NRXN1: variants seen among roughly 807,000 people sequenced by gnomAD.
The protein encoded by NRXN1 is neurexin-1.
NRXN1 carries 39 observed loss-of-function variants against 150.9 expected under a neutral mutation model. That is an observed-to-expected ratio of 0.26 (90% CI 0.20 to 0.34). The LOEUF (loss-of-function observed/expected upper bound fraction) is 0.34, where lower values mean the gene tolerates loss of function less well. Among genes scored for constraint, NRXN1 ranks in the 10% least tolerant of loss-of-function variants. The pLI, the probability that NRXN1 is intolerant of heterozygous loss-of-function variation, is 1.00. For missense variants in NRXN1, 1,815 were observed against 1,949.9 expected (o/e 0.93, Z 1.30); for synonymous variants, 924 against 757.0 (o/e 1.22, Z -3.62).
chr2:49,992,206 G>C (rs372032990), intron 21 of NRXN1, among the ~76,000 whole-genome samples: 1 of 152,152 alleles, frequency 6.6e-6, no homozygotes, highest in Non-Finnish European at 1.5e-5. Flanking sequence ...GATGATCCAT[G>C]AGAGAAATAA....
chr2:50,730,672 C>CTTTTTTTTTTTT (rs56042523), intron 5 of NRXN1, among the ~76,000 whole-genome samples: 29 of 122,020 alleles, frequency 2.4e-4, no homozygotes, highest in Non-Finnish European at 3.6e-4. Context: ...TTCTTGTTTT[C>CTTTTTTTTTTTT]TTTTTTTTTT....
intron 17 of NRXN1, among the ~76,000 whole-genome samples, chr2:50,379,036 G>A (rs1416501603): frequency 6.6e-6 from 1 of 152,048 alleles, no homozygotes; most frequent in Admixed American, 6.6e-5. Flanking sequence ...TATCTGTCAT[G>A]CAGCAGGCAT....
chr2:50,006,710 C>G (rs890382290), intron 21 of NRXN1, among the ~76,000 whole-genome samples: 13 of 152,060 alleles, frequency 8.5e-5, no homozygotes, highest in African/African-American at 3.1e-4. Flanking sequence ...TTTTTTGCTC[C>G]TAGAGTATAT....
At chr2:50,315,740 C>A (rs12373713) in intron 17 of NRXN1, among the ~76,000 whole-genome samples, 18,785 of 152,112 alleles carry the variant, frequency 0.12, 1,292 homozygotes, top group African/African-American at 0.15. Flanking sequence ...TATTAAAAGG[C>A]ACATTATCAA....
intron 5 of NRXN1, among the ~76,000 whole-genome samples, chr2:50,650,959 T>G (rs148945662): frequency 1.3e-5 from 2 of 152,146 alleles, no homozygotes; most frequent in African/African-American, 4.8e-5. Context: ...AGTAGAAAAC[T>G]ACACAATATA....
chr2:50,451,249 G>A (rs753277949), intron 17 of NRXN1, among the ~76,000 whole-genome samples: 22 of 152,162 alleles, frequency 1.4e-4, no homozygotes, highest in Non-Finnish European at 1.5e-4. Context: ...TATTACAGGC[G>A]TGAGTCACCA....
At chr2:50,114,666 T>C (rs116442603) in intron 18 of NRXN1, among the ~76,000 whole-genome samples, 2,074 of 140,968 alleles carry the variant, frequency 0.015, 62 homozygotes, top group African/African-American at 0.051. Context: ...CAATGGAATA[T>C]CATTCAGTGC....
chr2:50,356,853 G>A lies in NRXN1; in HGVS notation c.3364+108589C>T, dbSNP rs148922514. Among the ~76,000 whole-genome samples, 227 of 152,042 alleles carry A rather than the reference G, an allele frequency of 1.5e-3. 2 individuals are homozygous for A. The highest frequency in any genetic ancestry group is 5.2e-3 in the African/African-American group (215 of 41,462). ...AGCATACTTGATGACTGCCTCTTAC[G>A]TTATTTTTAAATGAACTAGTTTACC... On this transcript the variant is annotated intron_variant, in intron 17 of 22. Transcript: ENST00000401669.
intron 18 of NRXN1, among the ~76,000 whole-genome samples, chr2:50,123,129 G>C (rs917673578): frequency 2.6e-5 from 4 of 152,124 alleles, no homozygotes; most frequent in African/African-American, 7.2e-5. Flanking sequence ...GGATACAGTA[G>C]TGAAACAAAC....
chr2:50,651,075 A>C (rs757447868), intron 5 of NRXN1, among the ~76,000 whole-genome samples: 26 of 152,046 alleles, frequency 1.7e-4, no homozygotes, highest in Admixed American at 3.9e-4. Context: ...TCTTTTAATA[A>C]GAAACTAATT....
At chr2:50,837,803 C>T (rs865928918) in intron 5 of NRXN1, among the ~76,000 whole-genome samples, 10 of 151,996 alleles carry the variant, frequency 6.6e-5, no homozygotes, top group Non-Finnish European at 5.9e-5. Context: ...CATGAAAATG[C>T]AGTATTCCTT....
intron 5 of NRXN1, among the ~76,000 whole-genome samples, chr2:50,764,141 C>T (rs1394059724): frequency 6.6e-6 from 1 of 151,780 alleles, no homozygotes; most frequent in East Asian, 2.0e-4. Flanking sequence ...GGCAAAAGCC[C>T]CTGTAGAGCA....
intron 21 of NRXN1, chr2:49,974,273 T>C (rs1300998221): frequency 3.4e-6 from 2 of 591,066 alleles, no homozygotes; most frequent in East Asian, 6.9e-5. Flanking sequence ...ATGCTGCAGT[T>C]CCGTCTGCAG....
chr2:50,650,201 C>T (rs1685407603), intron 5 of NRXN1, among the ~76,000 whole-genome samples: 1 of 152,052 alleles, frequency 6.6e-6, no homozygotes, highest in Admixed American at 6.6e-5. Context: ...GCTTCTGATA[C>T]TGGGTAAGAT....
chr2:50,978,076 T>C (rs2104849216), intron 2 of NRXN1, among the ~76,000 whole-genome samples: 1 of 151,364 alleles, frequency 6.6e-6, no homozygotes, highest in South Asian at 2.1e-4. Flanking sequence ...GCCCTACTGA[T>C]ACTACAGTGA....
chr2:50,625,447 G>C (rs983644392), intron 5 of NRXN1, among the ~76,000 whole-genome samples: 3 of 152,052 alleles, frequency 2.0e-5, no homozygotes, highest in Non-Finnish European at 4.4e-5. Flanking sequence ...ATCTGTAATA[G>C]TGAATCCCTC....
chr2:51,018,884 G>C (rs991113740), intron 2 of NRXN1, among the ~76,000 whole-genome samples: 2 of 152,018 alleles, frequency 1.3e-5, no homozygotes, highest in Non-Finnish European at 2.9e-5. Flanking sequence ...TTATGATAGA[G>C]TAGAATCAAC....
chr2:50,614,501 C>T (rs536255229), intron 8 of NRXN1, among the ~76,000 whole-genome samples: 45 of 151,592 alleles, frequency 3.0e-4, no homozygotes, highest in South Asian at 8.3e-4. Context: ...AGGGGAGGAG[C>T]GGGGAGGGAT....
intron 19 of NRXN1, among the ~76,000 whole-genome samples, chr2:50,086,821 TGAGA>T (rs3046671): frequency 0.052 from 7,476 of 142,622 alleles, 211 homozygotes; most frequent in South Asian, 0.09. Context: ...CAGAGAAGAA[TGAGA>T]GAGAGAGAGA....
Sources: allele counts gnomAD v4.1 joint callset (sites outside exome capture counted in the v4.1 genomes callset), GRCh38; gene constraint gnomAD v4.1.1; transcripts MANE v1.5; gene names NCBI Gene and HGNC (gene_info 2026-07-23, HGNC 2026-07-21).